The following MRTFB variants were observed in gnomAD, a reference collection of about 807,000 sequenced individuals.
MRTFB encodes myocardin related transcription factor B, also known as myocardin-related transcription factor B.
Under a neutral mutation model 104.2 loss-of-function variants are expected in MRTFB, and 29 were observed. That is an observed-to-expected ratio of 0.28 (90% CI 0.21 to 0.38). The LOEUF is 0.38. Ranked by LOEUF, MRTFB falls within the 10% of genes least tolerant of loss-of-function variation. The pLI, the probability that MRTFB is intolerant of heterozygous loss-of-function variation, is 1.00. For synonymous variants in MRTFB, 535 were observed against 519.5 expected, an observed-to-expected ratio of 1.03 and a Z score of -0.41; for missense variants, 1,270 against 1,341.6, an observed-to-expected ratio of 0.95 and a Z score of 0.83.
At chr16:14,075,889 C>G (rs1408049554) in intron 1 of MRTFB, among the ~76,000 whole-genome samples, 1 of 152,114 alleles carries the variant, frequency 6.6e-6, no homozygotes, top group Non-Finnish European at 1.5e-5. Context: ...GTGCTTTTAA[C>G]ATTTACAAAT....
At chr16:14,085,670 C>T (rs1398447849) in intron 2 of MRTFB, among the ~76,000 whole-genome samples, 2 of 151,754 alleles carry the variant, frequency 1.3e-5, no homozygotes, top group East Asian at 1.9e-4. Flanking sequence ...ATGGCAAACA[C>T]CCACATTGTG....
intron 2 of MRTFB, among the ~76,000 whole-genome samples, chr16:14,134,366 T>C (rs2037597247): frequency 6.6e-6 from 1 of 152,236 alleles, no homozygotes; most frequent in East Asian, 1.9e-4. Context: ...AATTATAACC[T>C]AGCAACAAAA....
chr16:14,186,882 C>G, intron 3 of MRTFB: 2 of 1,597,916 alleles, frequency 1.3e-6, no homozygotes, highest in Non-Finnish European at 1.7e-6. Flanking sequence ...TTTTCTCCTG[C>G]TTGATGCTGC....
chr16:14,051,382 C>A, the MRTFB span, among the ~76,000 whole-genome samples: 2 of 151,996 alleles, frequency 1.3e-5, no homozygotes, highest in Non-Finnish European at 2.9e-5. Context: ...AACACACAGA[C>A]ACACTCATAC....
chr16:14,130,072 C>T (rs1304382700), intron 2 of MRTFB, among the ~76,000 whole-genome samples: 2 of 152,226 alleles, frequency 1.3e-5, no homozygotes, highest in East Asian at 3.8e-4. Context: ...CTCCAGTGAT[C>T]TGCCCACCTC....
intron 2 of MRTFB, among the ~76,000 whole-genome samples, chr16:14,081,264 T>C (rs141416709): frequency 6.6e-6 from 1 of 151,940 alleles, no homozygotes; most frequent in Admixed American, 6.6e-5. Context: ...CACTGTTTTA[T>C]GTATTTGCTG....
intron 8 of MRTFB, among the ~76,000 whole-genome samples, chr16:14,221,222 CA>C: frequency 6.6e-6 from 1 of 152,014 alleles, no homozygotes; most frequent in Non-Finnish European, 1.5e-5. Context: ...TTTGTTTTGG[CA>C]AATTTTATAC....
In MRTFB at chr16:14,229,052, A is replaced by C. The variant is rs564302395; in HGVS notation, c.694-5094A>C. ...AATGCCATATACTTAAAAATGGTTA[A>C]ATAGTAAATTTTGTGTTATATACAT... On this transcript the variant is annotated intron_variant, in intron 8 of 16. Coordinates refer to ENST00000571589, the MANE Select transcript of MRTFB (RefSeq NM_001308142.2). 2.6e-5 allele frequency among the ~76,000 whole-genome samples: 4 copies of C among 152,326 alleles called. No homozygotes were observed. The East Asian group carries it at 7.7e-4, about 29-fold the overall frequency.
chr16:14,113,607 A>G (rs1157060876), intron 2 of MRTFB, among the ~76,000 whole-genome samples: 1 of 152,118 alleles, frequency 6.6e-6, no homozygotes, highest in African/African-American at 2.4e-5. Context: ...GAGGAAGCTG[A>G]GTTACTGGGA....
chr16:14,061,333 T>C, the MRTFB span, among the ~76,000 whole-genome samples: 1 of 152,262 alleles, frequency 6.6e-6, no homozygotes, highest in Middle Eastern at 3.4e-3. Flanking sequence ...TGGCCAGAGC[T>C]AGTCAGAACA....
chr16:14,179,860 A>C (rs891665226), intron 3 of MRTFB, among the ~76,000 whole-genome samples: 1 of 152,170 alleles, frequency 6.6e-6, no homozygotes, highest in Admixed American at 6.5e-5. Flanking sequence ...CTGTGAGGTA[A>C]CTTGAGAAAT....
chr16:14,070,874 T>C (rs1834879293), upstream of MRTFB, among the ~76,000 whole-genome samples: 1 of 152,218 alleles, frequency 6.6e-6, no homozygotes, highest in Non-Finnish European at 1.5e-5. Flanking sequence ...TGTACTTTCC[T>C]TGCCAGGCCT....
At chr16:13,997,189 C>T in the MRTFB span, among the ~76,000 whole-genome samples, 3 of 152,320 alleles carry the variant, frequency 2.0e-5, no homozygotes, top group African/African-American at 4.8e-5. Context: ...TGCAGTTTCA[C>T]GCAGACATGG....
At chr16:14,138,635 G>C (rs2037842370) in intron 2 of MRTFB, among the ~76,000 whole-genome samples, 1 of 152,182 alleles carries the variant, frequency 6.6e-6, no homozygotes. Flanking sequence ...CCTTAGCTGG[G>C]CTGCATGGAG....
At chr16:14,174,575 C>T (rs919864182) in intron 3 of MRTFB, among the ~76,000 whole-genome samples, 7 of 151,850 alleles carry the variant, frequency 4.6e-5, no homozygotes, top group Admixed American at 6.6e-5. Flanking sequence ...CCCAGCTACT[C>T]GGGAGGCTGA....
At chr16:14,002,773 CA>C in the MRTFB span, among the ~76,000 whole-genome samples, 1 of 152,038 alleles carries the variant, frequency 6.6e-6, no homozygotes, top group African/African-American at 2.4e-5. Flanking sequence ...TATGCATTTC[CA>C]GGGGGAGATT....
chr16:14,026,794 G>A, the MRTFB span, among the ~76,000 whole-genome samples: 1 of 152,146 alleles, frequency 6.6e-6, no homozygotes, highest in East Asian at 1.9e-4. Flanking sequence ...CAAGCACATG[G>A]AAAGATGTTC....
intron 2 of MRTFB, among the ~76,000 whole-genome samples, chr16:14,117,519 A>G (rs1296038511): frequency 1.3e-5 from 2 of 152,194 alleles, no homozygotes; most frequent in Non-Finnish European, 2.9e-5. Context: ...CTTGAGACTA[A>G]GTTCAATGGA....
At chr16:14,118,152 T>G (rs1401952890) in intron 2 of MRTFB, among the ~76,000 whole-genome samples, 2 of 150,714 alleles carry the variant, frequency 1.3e-5, no homozygotes, top group Non-Finnish European at 3.0e-5. Flanking sequence ...CTTTTTTTTT[T>G]GTGAGACAGG....
Sources: gnomAD v4.1 joint callset for allele counts (sites outside exome capture counted in the v4.1 genomes callset) on GRCh38, gnomAD v4.1.1 for gene constraint, MANE v1.5 for transcripts, NCBI Gene and HGNC (gene_info 2026-07-23, HGNC 2026-07-21) for gene names.